The following SVEP1 variants were observed in gnomAD, a reference collection of about 807,000 sequenced individuals.
SVEP1 encodes the protein sushi, von Willebrand factor type A, EGF and pentraxin domain-containing protein 1.
Under a neutral mutation model 367.3 loss-of-function variants are expected in SVEP1, and 164 were observed. That is an observed-to-expected ratio of 0.45 (90% CI 0.39 to 0.51). The LOEUF (loss-of-function observed/expected upper bound fraction) is 0.51, where lower values mean the gene tolerates loss of function less well. Among genes scored for constraint, SVEP1 ranks in the 20% least tolerant of loss-of-function variants. The pLI, the probability that SVEP1 is intolerant of heterozygous loss-of-function variation, is 0.00. For missense variants in SVEP1, 4,117 were observed against 4,425.3 expected (o/e 0.93, Z 1.98); for synonymous variants, 1,666 against 1,611.6 (o/e 1.03, Z -0.81).
At chr9:110,472,076 AACAAATGGAAGATTTGAG>A (rs1829027530) in intron 15 of SVEP1, 65 bp downstream of exon 15, 8 of 1,350,622 alleles carry the variant, frequency 5.9e-6, no homozygotes, top group Non-Finnish European at 8.2e-6. Context: ...TAATAATGAT[AACAAATGGAAGATTTGAG>A]AAGCAGGTTT....
At chr9:110,563,980 C>T (rs568774844) in intron 1 of SVEP1, among the ~76,000 whole-genome samples, 1 of 152,302 alleles carries the variant, frequency 6.6e-6, no homozygotes, top group African/African-American at 2.4e-5. Context: ...AATGAACTAT[C>T]TCAATCTCTG....
chr9:110,392,669 C>A (rs1259559699), intron 40 of SVEP1, among the ~76,000 whole-genome samples: 1 of 152,168 alleles, frequency 6.6e-6, no homozygotes, highest in Non-Finnish European at 1.5e-5. Context: ...AAAGACAATT[C>A]TTCCTCTTGA....
intron 5 of SVEP1, among the ~76,000 whole-genome samples, chr9:110,506,978 T>C (rs1171296808): frequency 6.6e-6 from 1 of 152,188 alleles, no homozygotes; most frequent in South Asian, 2.1e-4. Context: ...TCAAGACCCA[T>C]GGAAAATGCA....
intron 27 of SVEP1, among the ~76,000 whole-genome samples, chr9:110,437,416 C>G (rs79285925): frequency 0.15 from 22,730 of 152,152 alleles, 2,272 homozygotes; most frequent in East Asian, 0.43. Context: ...GTCTTCTTAA[C>G]CATGCTCACA....
At chr9:110,498,775 T>C (rs1484022147) in intron 7 of SVEP1, among the ~76,000 whole-genome samples, 3 of 152,074 alleles carry the variant, frequency 2.0e-5, no homozygotes, top group Non-Finnish European at 2.9e-5. Flanking sequence ...CCCTAAAGAT[T>C]TTAGTCTTAT....
At chr9:110,385,760 T>C (rs1322718701) in intron 43 of SVEP1, 138 bp downstream of exon 43, 63 of 976,336 alleles carry the variant, frequency 6.5e-5, no homozygotes, top group Non-Finnish European at 8.8e-5. Flanking sequence ...TTTACAAACA[T>C]TAATGAGGAA....
At chr9:110,558,330 C>G (rs1830379344) in intron 1 of SVEP1, among the ~76,000 whole-genome samples, 1 of 44,892 alleles carries the variant, frequency 2.2e-5, no homozygotes, top group South Asian at 1.2e-3. Context: ...AACCCTGTCT[C>G]TACAAAAAAA....
At chr9:110,528,832 TTTAAA>T (rs1333386003) in intron 3 of SVEP1, among the ~76,000 whole-genome samples, 1 of 151,574 alleles carries the variant, frequency 6.6e-6, no homozygotes, top group East Asian at 1.9e-4. Flanking sequence ...ATAAATATAT[TTTAAA>T]TTAAAATTTA....
Position 110,472,338 on chromosome 9 carries a change from CAG to C in SVEP1, c.2600-17_2600-16del, listed in dbSNP as rs3831249. Reference sequence around the variant, plus strand: ...GCCACCTGGTCCTGGATAGTCGGGGCAGAGACACAAATGATCACACAGTTGCT... The same window carrying C: ...GCCACCTGGTCCTGGATAGTCGGGGCAGACACAAATGATCACACAGTTGCT... On this transcript the variant is annotated splice_polypyrimidine_tract_variant and intron_variant, in intron 14 of 47. Coordinates refer to ENST00000374469, the MANE Select transcript of SVEP1 (RefSeq NM_153366.4). 429,838 of 1,550,330 alleles carry C rather than the reference CAG, an allele frequency of 0.28. 62,441 individuals are homozygous for C. The highest frequency in any genetic ancestry group is 0.3 in the Non-Finnish European group (343,452 of 1,151,754).
intron 1 of SVEP1, among the ~76,000 whole-genome samples, chr9:110,563,325 A>G (rs1830453261): frequency 6.6e-6 from 1 of 152,134 alleles, no homozygotes; most frequent in Non-Finnish European, 1.5e-5. Context: ...CATACATAAA[A>G]AGAGTGAGAG....
chr9:110,404,556 C>T lies in SVEP1; in HGVS notation c.9441-4G>A. 1.2e-6 allele frequency: 2 copies of T among 1,613,366 alleles called. No individual in the cohort carries two copies. The highest frequency in any genetic ancestry group is 1.7e-6 in the Non-Finnish European group (2 of 1,179,356). On this transcript the variant is annotated splice_polypyrimidine_tract_variant and splice_region_variant and intron_variant, in intron 38 of 47. Transcript: ENST00000374469. ...CATCGTATAACCTTCCAGACATCTGCAATGGAAATGCAAAAATGAGTGCCT... is the reference window on the plus strand; with the variant it reads ...CATCGTATAACCTTCCAGACATCTGTAATGGAAATGCAAAAATGAGTGCCT...
chr9:110,377,701 GT>G (rs1564122890), intron 44 of SVEP1, among the ~76,000 whole-genome samples: 2 of 152,084 alleles, frequency 1.3e-5, no homozygotes, highest in African/African-American at 4.8e-5. Context: ...CATAGTTATT[GT>G]TTTCTTTCTT....
chr9:110,377,102 C>G (rs1302130837), intron 45 of SVEP1, 169 bp downstream of exon 45: 7 of 480,722 alleles, frequency 1.5e-5, no homozygotes, highest in Admixed American at 3.5e-5. Flanking sequence ...CATTAATATT[C>G]TAGATCTTCT....
intron 40 of SVEP1, among the ~76,000 whole-genome samples, chr9:110,399,998 A>G (rs1827831890): frequency 6.6e-6 from 1 of 152,262 alleles, no homozygotes; most frequent in South Asian, 2.1e-4. Context: ...CCACTAAAGT[A>G]AACAGAGACC....
chr9:110,366,579 GCAAC>G lies in SVEP1; in HGVS notation c.10695-23_10695-20del. On this transcript the variant is annotated intron_variant, in intron 47 of 47. Coordinates refer to ENST00000374469, the MANE Select transcript of SVEP1 (RefSeq NM_153366.4). ...CCTTTTCCTGGAAAAAAAAAAAAAA[GCAAC>G]CAAATAGATTCAAAAGAAAAAATTG... The G allele has an allele frequency of 7.9e-7, 1 of 1,258,222 alleles. No individual in the cohort carries two copies. Among genetic ancestry groups the G allele is most frequent in the Non-Finnish European group, 1.1e-6 (1 of 919,808 alleles). 77.9% of individuals were successfully genotyped at this position (1,258,222 alleles called of 1,614,324 possible). A position where few individuals can be genotyped will look rare whatever the true frequency, so the allele number is the denominator to read the frequency against.
chr9:110,563,276 G>C (rs144261928), intron 1 of SVEP1, among the ~76,000 whole-genome samples: 1,649 of 152,148 alleles, frequency 0.011, 18 homozygotes, highest in Non-Finnish European at 0.019. Context: ...TACAGCATGT[G>C]CTTTTACTAC....
At chr9:110,437,939 CAGA>C (rs1456545410) in intron 27 of SVEP1, among the ~76,000 whole-genome samples, 1 of 151,988 alleles carries the variant, frequency 6.6e-6, no homozygotes, top group Non-Finnish European at 1.5e-5. Context: ...AATACATGCA[CAGA>C]AGAAAATTTT....
In SVEP1 at chr9:110,411,019, C is replaced by T. The variant is rs772471657; in HGVS notation, c.6648+44G>A. On this transcript the variant is annotated intron_variant, in intron 37 of 47. Coordinates refer to ENST00000374469, the MANE Select transcript of SVEP1 (RefSeq NM_153366.4). ...GTTTTGTTTATTTATTTATTATGGG[C>T]CCTGTGACAAAAGCCACAGACCATT... 39 of 1,484,214 alleles carry T rather than the reference C, an allele frequency of 2.6e-5. 1 individual carries two copies. The African/African-American group carries it at 2.7e-4, about 10-fold the overall frequency. 91.9% of individuals were successfully genotyped at this position (1,484,214 alleles called of 1,614,324 possible).
At chr9:110,403,750 T>C (rs1827907388) in intron 39 of SVEP1, among the ~76,000 whole-genome samples, 1 of 152,158 alleles carries the variant, frequency 6.6e-6, no homozygotes, top group South Asian at 2.1e-4. Flanking sequence ...ATGCCCAATA[T>C]GTTTCTAGAT....
Sources: gnomAD v4.1 joint callset for allele counts (sites outside exome capture counted in the v4.1 genomes callset) on GRCh38, gnomAD v4.1.1 for gene constraint, MANE v1.5 for transcripts, NCBI Gene and HGNC (gene_info 2026-07-23, HGNC 2026-07-21) for gene names.